Variants in CACNA1C observed in about 807,000 individuals in gnomAD.
CACNA1C encodes calcium voltage-gated channel subunit alpha1 C, also known as voltage-dependent L-type calcium channel subunit alpha-1C.
CACNA1C carries 30 observed loss-of-function variants against 229.0 expected under a neutral mutation model. That is an observed-to-expected ratio of 0.13 (90% CI 0.10 to 0.18). The LOEUF (loss-of-function observed/expected upper bound fraction) is 0.18. CACNA1C is among the 10% of genes least tolerant of loss of function. The pLI, the probability that CACNA1C is intolerant of heterozygous loss-of-function variation, is 1.00. For missense variants in CACNA1C, 1,658 were observed against 2,845.0 expected, an observed-to-expected ratio of 0.58 and a Z score of 9.49; for synonymous variants, 1,114 against 1,132.5, an observed-to-expected ratio of 0.98 and a Z score of 0.33.
intron 3 of CACNA1C, among the ~76,000 whole-genome samples, chr12:2,300,351 G>A (rs558769906): frequency 2.6e-5 from 4 of 152,212 alleles, no homozygotes; most frequent in African/African-American, 4.8e-5. Context: ...CACGGCGGGC[G>A]GCTCATGCCT....
chr12:2,073,732 C>T (rs1275724377), intron 1 of CACNA1C, among the ~76,000 whole-genome samples: 4 of 152,150 alleles, frequency 2.6e-5, no homozygotes, highest in African/African-American at 9.7e-5. Flanking sequence ...GTCTCCTTTC[C>T]AAGAATTTCA....
chr12:2,228,700 C>G (rs986362110), intron 3 of CACNA1C, among the ~76,000 whole-genome samples: 1 of 152,204 alleles, frequency 6.6e-6, no homozygotes, highest in Admixed American at 6.5e-5. Flanking sequence ...CATTTCATCT[C>G]TGGCACTGTG....
At chr12:2,184,580 G>A (rs150193182) in intron 3 of CACNA1C, among the ~76,000 whole-genome samples, 2 of 152,296 alleles carry the variant, frequency 1.3e-5, no homozygotes, top group African/African-American at 2.4e-5. Flanking sequence ...TGAACTTGTC[G>A]AGTGCTTAAG....
chr12:2,356,589 G>A (rs931300092), intron 3 of CACNA1C, among the ~76,000 whole-genome samples: 2 of 152,252 alleles, frequency 1.3e-5, no homozygotes, highest in African/African-American at 4.8e-5. Flanking sequence ...GGGGCACACT[G>A]TTTGTGTGAG....
chr12:2,517,927 A>G (rs986520926), intron 9 of CACNA1C, among the ~76,000 whole-genome samples: 1 of 152,262 alleles, frequency 6.6e-6, no homozygotes, highest in Admixed American at 6.5e-5. Context: ...TGTCATTAAG[A>G]CAACTTAAAT....
At chr12:2,001,938 A>G (rs1440707349) in intron 1 of CACNA1C, among the ~76,000 whole-genome samples, 2 of 152,176 alleles carry the variant, frequency 1.3e-5, no homozygotes, top group African/African-American at 2.4e-5. Flanking sequence ...CCACTGGTCT[A>G]AGGACTGACA....
chr12:2,083,492 C>A (rs1341334943), intron 1 of CACNA1C, among the ~76,000 whole-genome samples: 1 of 152,178 alleles, frequency 6.6e-6, no homozygotes, highest in Non-Finnish European at 1.5e-5. Flanking sequence ...ATGTACCTTG[C>A]CATTGGAGAA....
chr12:2,493,304 C>T lies in CACNA1C; in HGVS notation c.1031C>T (p.Thr344Ile), dbSNP rs200935321. ...PGWDGPKHGI[T>I]NFDNFAFAML... ...TGGGATGGTCCCAAGCACGGCATCA[C>T]CAACTTTGACAACTTTGCCTTCGCC... Residue 344 changes from threonine to isoleucine, a missense_variant, in exon 7 of 47, where the codon ACC becomes ATC. Transcript: ENST00000399655. The surrounding 1 kb of genome is among the most constrained non-coding windows in gnomAD (Gnocchi z 4.6). 3.1e-6 allele frequency: 5 copies of T among 1,614,140 alleles called. No individual in the cohort carries two copies. The highest frequency in any genetic ancestry group is 4.2e-6 in the Non-Finnish European group (5 of 1,179,970).
At chr12:2,256,601 A>G (rs1226135388) in intron 3 of CACNA1C, among the ~76,000 whole-genome samples, 1 of 152,156 alleles carries the variant, frequency 6.6e-6, no homozygotes, top group Non-Finnish European at 1.5e-5. Context: ...AGATGACGAG[A>G]AGATGGTGCA....
intron 1 of CACNA1C, among the ~76,000 whole-genome samples, chr12:2,013,424 C>T (rs554188350): frequency 9.8e-5 from 15 of 152,298 alleles, no homozygotes; most frequent in African/African-American, 3.6e-4. Context: ...TATAAAGGCA[C>T]TTATAACAAA....
At chr12:2,107,953 T>G (rs1229611402) in intron 1 of CACNA1C, among the ~76,000 whole-genome samples, 1 of 152,246 alleles carries the variant, frequency 6.6e-6, no homozygotes, top group Non-Finnish European at 1.5e-5. Context: ...TAGCCACATG[T>G]GACTATCTGA....
Position 2,546,351 on chromosome 12 carries a change from G to A in CACNA1C, c.1391-3592G>A, listed in dbSNP as rs113260098. Among the ~76,000 whole-genome samples, 28 of 122,674 alleles carry A rather than the reference G, an allele frequency of 2.3e-4. No individual in the cohort carries two copies. The East Asian group carries it at 3.2e-3, about 14-fold the overall frequency. The allele number at this position is 122,674 out of a possible 152,430, so 80.5% of individuals were successfully genotyped here. On this transcript the variant is annotated intron_variant, in intron 9 of 46. Transcript: ENST00000399655. The stretch of plus-strand genomic sequence containing the variant: ...GTAGCTGGTGTCTTCACACTATTCC[G>A]TGCAGTAGCTGGTGTCTTCACACTC...
At chr12:2,326,277 C>G (rs1474342568) in intron 3 of CACNA1C, among the ~76,000 whole-genome samples, 4 of 152,198 alleles carry the variant, frequency 2.6e-5, no homozygotes, top group Non-Finnish European at 5.9e-5. Flanking sequence ...ACGCGCTGAT[C>G]TCATGTTCAT....
intron 3 of CACNA1C, among the ~76,000 whole-genome samples, chr12:2,144,959 G>C (rs1283649642): frequency 6.6e-6 from 1 of 151,204 alleles, no homozygotes; most frequent in African/African-American, 2.4e-5. Context: ...GAACATACCA[G>C]GGAAAGAACT....
chr12:2,236,275 C>A (rs1019047790), intron 3 of CACNA1C, among the ~76,000 whole-genome samples: 1 of 152,184 alleles, frequency 6.6e-6, no homozygotes, highest in African/African-American at 2.4e-5. Context: ...TCAGGTCCAG[C>A]AAGCTCCCAG....
At chr12:2,040,708 A>G (rs1185661997) in intron 1 of CACNA1C, among the ~76,000 whole-genome samples, 1 of 152,262 alleles carries the variant, frequency 6.6e-6, no homozygotes. Context: ...GGTTGGACCA[A>G]GAAAGATTAT....
chr12:2,064,356 T>C (rs911954068), intron 1 of CACNA1C, among the ~76,000 whole-genome samples: 2 of 152,188 alleles, frequency 1.3e-5, no homozygotes, highest in African/African-American at 4.8e-5. Flanking sequence ...GTGGGCCTGA[T>C]AAGCCTGGGG....
chr12:2,680,665 C>T, intron 42 of CACNA1C: 2 of 1,131,654 alleles, frequency 1.8e-6, no homozygotes, highest in South Asian at 3.0e-5. Flanking sequence ...ATCCAAGGAG[C>T]AGGCACACCT....
Position 2,691,166 on chromosome 12 carries a change from C to G in CACNA1C, c.6384C>G (p.Leu2128=). 1.2e-6 allele frequency: 2 copies of G among 1,601,254 alleles called. No homozygotes were observed. The highest frequency in any genetic ancestry group is 1.7e-6 in the Non-Finnish European group (2 of 1,171,524). The change falls in exon 47 of 47, where the codon CTC becomes CTG. Residue 2128 remains leucine, a synonymous_variant. Transcript: ENST00000399655. ...GGGGTCGACCGAGTGAGGAGGAGCT[C>G]CAGGACAGCAGGGTCTACGTCAGCA... ...RARGRPSEEE[L]QDSRVYVSSL
Sources: gnomAD v4.1 joint callset for allele counts (sites outside exome capture counted in the v4.1 genomes callset) on GRCh38, gnomAD v4.1.1 for gene constraint, Gnocchi (gnomAD v3.1) non-coding constraint, MANE v1.5 for transcripts, NCBI Gene and HGNC (gene_info 2026-07-23, HGNC 2026-07-21) for gene names.